The following DTX3 variants were observed in gnomAD, a reference collection of about 807,000 sequenced individuals.
The protein encoded by DTX3 is deltex E3 ubiquitin ligase 3.
A neutral mutation model predicts 27.4 loss-of-function variants in DTX3; 10 were observed. The ratio of observed to expected loss-of-function variants is 0.36; its 90% CI spans 0.22 to 0.62. The LOEUF (loss-of-function observed/expected upper bound fraction) is 0.62. DTX3 is among the 20% of genes least tolerant of loss of function. The pLI, the probability that DTX3 is intolerant of heterozygous loss-of-function variation, is 0.68. For missense variants in DTX3, 319 were observed against 463.8 expected (o/e 0.69, Z 2.87); for synonymous variants, 171 against 190.7 (o/e 0.90, Z 0.85).
At position 57,608,896 on chromosome 12, in the gene DTX3, G is replaced by A. The variant is rs780148008; in HGVS notation, c.968+159G>A. On this transcript the variant is annotated intron_variant, in intron 6 of 6. Coordinates refer to ENST00000337737, the MANE Select transcript of DTX3 (RefSeq NM_178502.4). This position sits in a 1 kb window ranked among gnomAD's most constrained non-coding sequence, Gnocchi z 6.1. ...TTTCTCCTACATTCAACCTGGTCCTGGTGTGCCCAGCTTAGCCTACAAAAA... is the reference window on the plus strand; with the variant it reads ...TTTCTCCTACATTCAACCTGGTCCTAGTGTGCCCAGCTTAGCCTACAAAAA... The A allele has an allele frequency of 1.1e-5, 12 of 1,081,152 alleles. No homozygotes were observed. The highest frequency in any genetic ancestry group is 2.0e-5 in the Admixed American group (1 of 50,412). 67.0% of individuals were successfully genotyped at this position (1,081,152 alleles called of 1,614,324 possible).
chr12:57,607,074 C>G lies in DTX3; in HGVS notation c.211C>G (p.Pro71Ala). 1 of 1,614,242 alleles carries G rather than the reference C, an allele frequency of 6.2e-7. No individual in the cohort carries two copies. The highest frequency in any genetic ancestry group is 8.5e-7 in the Non-Finnish European group (1 of 1,180,036). The part of the protein sequence containing the change: ...QLSPQGPPPA[P>A]PNGLYLARKA... ...TTCCCCACAGGGTCCTCCCCCGGCC[C>G]CTCCAAATGGGCTCTACCTAGCCCG... The change falls in exon 5 of 7, where the codon CCT (proline) becomes GCT (alanine). Residue 71 changes from proline (P) to alanine (A), a missense_variant. Around this residue, in one of 2 missense-constraint regions of DTX3, gnomAD observed 202 missense variants for 205.3 expected, o/e 0.98. Transcript: ENST00000337737. This position sits in a 1 kb window ranked among gnomAD's most constrained non-coding sequence, Gnocchi z 7.7.
In DTX3 at chr12:57,609,399, T is replaced by A. The variant is rs1883917686; in HGVS notation, c.*247T>A. ...CCAAGGCTCTGTTCTCCCCTCCCCGTGTACATATACTCCCGGTTTCCCTGC... is the reference window on the plus strand; with the variant it reads ...CCAAGGCTCTGTTCTCCCCTCCCCGAGTACATATACTCCCGGTTTCCCTGC... On this transcript the variant is annotated 3_prime_UTR_variant, in exon 7 of 7. Coordinates refer to ENST00000337737, the MANE Select transcript of DTX3 (RefSeq NM_178502.4). 1.9e-6 allele frequency: 1 copy of A among 538,484 alleles called. No homozygotes were observed. Among genetic ancestry groups the A allele is most frequent in the African/African-American group, 1.9e-5 (1 of 52,830 alleles). 33.4% of individuals were successfully genotyped at this position (538,484 alleles called of 1,614,324 possible).
chr12:57,609,235 C>G lies in DTX3; in HGVS notation c.*83C>G, dbSNP rs372954011. The G allele has an allele frequency of 1.2e-3, 1,553 of 1,290,170 alleles. 5 individuals are homozygous for G. The highest frequency in any genetic ancestry group is 1.1e-3 in the Non-Finnish European group (1,016 of 898,110). The allele number at this position is 1,290,170 out of a possible 1,614,324, so 79.9% of individuals were successfully genotyped here. A position where few individuals can be genotyped will look rare whatever the true frequency, so the allele number is the denominator to read the frequency against. ...CCTCTTTCTCCTCTCTGCCCCCTGC[C>G]CCCCACACCACACCTGTAGGGGACC... is the stretch of plus-strand genomic sequence containing the variant. On this transcript the variant is annotated 3_prime_UTR_variant, in exon 7 of 7. Transcript: ENST00000337737.
At position 57,609,064 on chromosome 12, in the gene DTX3, T is replaced by G; in HGVS notation, c.969-13T>G. ...AGCTAACAACCCTCACCCTCATTTC[T>G]CTTTGCTCCCAGGTTTGGGTACCCA... is the stretch of plus-strand genomic sequence containing the variant. On this transcript the variant is annotated splice_polypyrimidine_tract_variant and intron_variant, in intron 6 of 6. Coordinates refer to ENST00000337737, the MANE Select transcript of DTX3 (RefSeq NM_178502.4). The G allele has an allele frequency of 6.2e-7, 1 of 1,613,450 alleles. No individual in the cohort carries two copies. Among genetic ancestry groups the G allele is most frequent in the South Asian group, 1.1e-5 (1 of 90,958 alleles).
chr12:57,609,367 C>A lies in DTX3; in HGVS notation c.*215C>A. On this transcript the variant is annotated 3_prime_UTR_variant, in exon 7 of 7. Transcript: ENST00000337737. Reference sequence around the variant, plus strand: ...GTGAGCCACTCCCTTCTGGCAGAGGCCGACCTCCAAGGCTCTGTTCTCCCC... The same window carrying A: ...GTGAGCCACTCCCTTCTGGCAGAGGACGACCTCCAAGGCTCTGTTCTCCCC... The A allele has an allele frequency of 1.7e-6, 1 of 578,030 alleles. No individual in the cohort carries two copies. Among genetic ancestry groups the A allele is most frequent in the Non-Finnish European group, 3.1e-6 (1 of 322,636 alleles). 35.8% of individuals were successfully genotyped at this position (578,030 alleles called of 1,614,324 possible).
In DTX3 at chr12:57,607,324, G is replaced by C. The variant is rs536336747; in HGVS notation, c.461G>C (p.Arg154Pro). ...CCCCCACCTCTTCCTCCTCGCCTTC[G>C]GGAGGAGGCAGAAGAGCAGGAGAGC... Reference protein sequence around the residue: ...PLPPPLPPRLREEAEEQESTC... With the variant: ...PLPPPLPPRLPEEAEEQESTC... The change falls in exon 5 of 7, where the codon CGG becomes CCG. Residue 154 changes from arginine (R) to proline (P), a missense_variant. By Grantham distance (103) the Arg-to-Pro change is moderately radical (BLOSUM62 -2). Transcript: ENST00000337737. This position sits in a 1 kb window ranked among gnomAD's most constrained non-coding sequence, Gnocchi z 7.7. 2.5e-6 allele frequency: 4 copies of C among 1,602,932 alleles called. No homozygotes were observed. The South Asian group carries it at 3.3e-5, about 13-fold the overall frequency.
chr12:57,606,279 T>C (rs1883714157), intron 3 of DTX3, 27 bp downstream of exon 3: 1 of 552,312 alleles, frequency 1.8e-6, no homozygotes. Flanking sequence ...GGATCCTCAA[T>C]TTTCACCCTT....
Position 57,609,316 on chromosome 12 carries a change from C to T in DTX3, c.*164C>T. The stretch of plus-strand genomic sequence containing the variant: ...AGGGGGCAATCCCTTCCCCCATCCC[C>T]CACTGGCCAAGTGTTTCAATGCAGT... On this transcript the variant is annotated 3_prime_UTR_variant, in exon 7 of 7. Transcript: ENST00000337737. The T allele has an allele frequency of 3.1e-6, 2 of 654,768 alleles. No individual in the cohort carries two copies. The highest frequency in any genetic ancestry group is 5.4e-6 in the Non-Finnish European group (2 of 371,722). 40.6% of individuals were successfully genotyped at this position (654,768 alleles called of 1,614,324 possible). A position where few individuals can be genotyped will look rare whatever the true frequency, so the allele number is the denominator to read the frequency against.
Position 57,609,404 on chromosome 12 carries a change from A to T in DTX3, c.*252A>T. ...GCTCTGTTCTCCCCTCCCCGTGTAC[A>T]TATACTCCCGGTTTCCCTGCCCCTC... On this transcript the variant is annotated 3_prime_UTR_variant, in exon 7 of 7. Coordinates refer to ENST00000337737, the MANE Select transcript of DTX3 (RefSeq NM_178502.4). 1 of 516,784 alleles carries T rather than the reference A, an allele frequency of 1.9e-6. No homozygotes were observed. Among genetic ancestry groups the T allele is most frequent in the South Asian group, 2.4e-5 (1 of 41,970 alleles). The allele number at this position is 516,784 out of a possible 1,614,324, so 32.0% of individuals were successfully genotyped here.
chr12:57,609,438 T>C lies in DTX3; in HGVS notation c.*286T>C, dbSNP rs552250635. 2.3e-4 allele frequency: 100 copies of C among 428,938 alleles called. No individual in the cohort carries two copies. Among genetic ancestry groups the C allele is most frequent in the African/African-American group, 1.8e-3 (92 of 50,504 alleles). 26.6% of individuals were successfully genotyped at this position (428,938 alleles called of 1,614,324 possible). Reference sequence around the variant, plus strand: ...CGGTTTCCCTGCCCCTCCATTGCCCTTGGCTTTTTCTGGTATGTGCTGTGC... The same window carrying C: ...CGGTTTCCCTGCCCCTCCATTGCCCCTGGCTTTTTCTGGTATGTGCTGTGC... On this transcript the variant is annotated 3_prime_UTR_variant, in exon 7 of 7. Transcript: ENST00000337737.
Position 57,607,874 on chromosome 12 carries a change from T to C in DTX3, c.750+261T>C, listed in dbSNP as rs1302576333. ...AGATATGAGAGGAAGGAATTGCATA[T>C]TATTTCCTTGATGAACACAAATACT... On this transcript the variant is annotated intron_variant, in intron 5 of 6. Coordinates refer to ENST00000337737, the MANE Select transcript of DTX3 (RefSeq NM_178502.4). The surrounding 1 kb of genome is among the most constrained non-coding windows in gnomAD (Gnocchi z 7.7). Among the ~76,000 whole-genome samples, 1 of 152,070 alleles carries C rather than the reference T, an allele frequency of 6.6e-6. No homozygotes were observed. The highest frequency in any genetic ancestry group is 1.5e-5 in the Non-Finnish European group (1 of 68,030).
Position 57,607,534 on chromosome 12 carries a change from A to T in DTX3, c.671A>T (p.Asp224Val), listed in dbSNP as rs758000981. ...PQNGRMLVSK[D>V]ATLLLPSYEK... ...AATGGGCGGATGCTGGTCTCTAAGGACGCCACCCTCCTACTGCCCAGCTAT... is the reference window on the plus strand; with the variant it reads ...AATGGGCGGATGCTGGTCTCTAAGGTCGCCACCCTCCTACTGCCCAGCTAT... Residue 224 changes from aspartate (D) to valine (V), a missense_variant, in exon 5 of 7, where the codon GAC becomes GTC. Asp to Val is a radical substitution (Grantham distance 152). Transcript: ENST00000337737. The surrounding 1 kb of genome is among the most constrained non-coding windows in gnomAD (Gnocchi z 7.7). 6.8e-6 allele frequency: 11 copies of T among 1,614,072 alleles called. No individual in the cohort carries two copies. The East Asian group carries it at 2.5e-4, about 36-fold the overall frequency.
chr12:57,608,393 T>C lies in DTX3; in HGVS notation c.751-127T>C. ...CTCCTTCTGTGGAAAGCTGTCAGCC[T>C]GTTGCTGCCCCGTTCGCATTAGCTG... On this transcript the variant is annotated intron_variant, in intron 5 of 6. Transcript: ENST00000337737. The surrounding 1 kb of genome is among the most constrained non-coding windows in gnomAD (Gnocchi z 6.1). 1.3e-6 allele frequency: 1 copy of C among 770,128 alleles called. No individual in the cohort carries two copies. The highest frequency in any genetic ancestry group is 2.1e-6 in the Non-Finnish European group (1 of 476,908). 47.7% of individuals were successfully genotyped at this position (770,128 alleles called of 1,614,324 possible). A position where few individuals can be genotyped will look rare whatever the true frequency, so the allele number is the denominator to read the frequency against.
rs1883929207 is a variant in DTX3, at chr12:57,609,556, G to T, written c.*404G>T. On this transcript the variant is annotated 3_prime_UTR_variant, in exon 7 of 7. Transcript: ENST00000337737. ...ACATACTGCTCCACCGCTGAACTTC[G>T]GGTGCCGGGGAGGAGAAATTGGGCT... The T allele has an allele frequency of 5.3e-6, 1 of 190,356 alleles. No homozygotes were observed. Among genetic ancestry groups the T allele is most frequent in the African/African-American group, 2.3e-5 (1 of 43,208 alleles). The allele number at this position is 190,356 out of a possible 1,614,324, so 11.8% of individuals were successfully genotyped here. A position where few individuals can be genotyped will look rare whatever the true frequency, so the allele number is the denominator to read the frequency against.
At chr12:57,605,481 G>A (rs1266957900) in intron 1 of DTX3, 90 bp from the exon 2 acceptor site, 1 of 152,312 alleles carries the variant, frequency 6.6e-6, no homozygotes, top group African/African-American at 2.4e-5. Context: ...GGCCTTGGGG[G>A]ACGATGATGG....
chr12:57,608,426 T>A lies in DTX3; in HGVS notation c.751-94T>A. 1 of 1,170,086 alleles carries A rather than the reference T, an allele frequency of 8.5e-7. No individual in the cohort carries two copies. 72.5% of individuals were successfully genotyped at this position (1,170,086 alleles called of 1,614,324 possible). A position where few individuals can be genotyped will look rare whatever the true frequency, so the allele number is the denominator to read the frequency against. On this transcript the variant is annotated intron_variant, in intron 5 of 6. Coordinates refer to ENST00000337737, the MANE Select transcript of DTX3 (RefSeq NM_178502.4). This position sits in a 1 kb window ranked among gnomAD's most constrained non-coding sequence, Gnocchi z 6.1. ...CCCCGTTCGCATTAGCTGGGGGTGC[T>A]CAGACAGAGACTAGCCTGGATGACC... is the stretch of plus-strand genomic sequence containing the variant.
Position 57,607,273 on chromosome 12 carries a change from G to A in DTX3, c.410G>A (p.Gly137Glu). 4 of 1,578,236 alleles carry A rather than the reference G, an allele frequency of 2.5e-6. No individual in the cohort carries two copies. The South Asian group carries it at 3.4e-5, about 14-fold the overall frequency. ...CCACTTCTGCCCCCAGGAGCTCGGG[G>A]GCTCCCCCCTCCTCCTCCCCCCCTG... ...AAPLLPPGAR[G>E]LPPPPPPLPP... The change falls in exon 5 of 7, where the codon GGG (glycine) becomes GAG (glutamate). Residue 137 changes from glycine (G) to glutamate (E), a missense_variant. Gly to Glu is a moderately conservative substitution (Grantham distance 98). Around this residue, in one of 2 missense-constraint regions of DTX3, gnomAD observed 202 missense variants for 205.3 expected, o/e 0.98. Transcript: ENST00000337737. The surrounding 1 kb of genome is among the most constrained non-coding windows in gnomAD (Gnocchi z 7.7).
Position 57,607,717 on chromosome 12 carries a change from C to T in DTX3, c.750+104C>T. ...GCTTGTTAGATGTGAGACAGTCTTGCTGTCTTCCACTGTGCCCTCCTACTC... is the reference window on the plus strand; with the variant it reads ...GCTTGTTAGATGTGAGACAGTCTTGTTGTCTTCCACTGTGCCCTCCTACTC... On this transcript the variant is annotated intron_variant, in intron 5 of 6. Transcript: ENST00000337737. The surrounding 1 kb of genome is among the most constrained non-coding windows in gnomAD (Gnocchi z 7.7). The T allele has an allele frequency of 2.1e-6, 3 of 1,460,270 alleles. No individual in the cohort carries two copies. Among genetic ancestry groups the T allele is most frequent in the Non-Finnish European group, 2.8e-6 (3 of 1,055,604 alleles). 90.5% of individuals were successfully genotyped at this position (1,460,270 alleles called of 1,614,324 possible).
At chr12:57,605,100 CG>C in intron 1 of DTX3, 1 of 152,552 alleles carries the variant, frequency 6.6e-6, no homozygotes, top group East Asian at 1.9e-4. Flanking sequence ...GGTGGGGATC[CG>C]GGGGCTTTGG....
Sources: gnomAD v4.1 joint callset for allele counts (sites outside exome capture counted in the v4.1 genomes callset) on GRCh38, gnomAD v4.1.1 for gene constraint, gnomAD v4.1.1 regional missense constraint, Gnocchi (gnomAD v3.1) non-coding constraint, MANE v1.5 for transcripts, NCBI Gene and HGNC (gene_info 2026-07-23, HGNC 2026-07-21) for gene names.